The following ESPNL variants were observed in gnomAD, a reference collection of about 807,000 sequenced individuals.
The protein encoded by ESPNL is espin like.
ESPNL carries 49 observed loss-of-function variants against 46.8 expected under a neutral mutation model. The observed-to-expected ratio is 1.05, with a 90% confidence interval of 0.83 to 1.33. The LOEUF is 1.33. ESPNL is among the 40% of genes most tolerant of loss of function. The pLI is 0.00. For missense variants in ESPNL, 1,540 were observed against 1,436.6 expected, an observed-to-expected ratio of 1.07 and a Z score of -1.16; for synonymous variants, 664 against 662.1, an observed-to-expected ratio of 1.00 and a Z score of -0.04.
Position 238,119,382 on chromosome 2 carries a change from TTGGATGCAGGAGG to T in ESPNL, c.987+2355_987+2367del, listed in dbSNP as rs1303324870. Reference sequence around the variant, plus strand: ...TGGATGAAGGACGTGGATGAAGGAGTTGGATGCAGGAGGTGGATGGAGGAGGTGGATGGAGGAG... The same window carrying T: ...TGGATGAAGGACGTGGATGAAGGAGTTGGATGGAGGAGGTGGATGGAGGAG... On this transcript the variant is annotated intron_variant, in intron 5 of 8. Transcript: ENST00000343063. Among the ~76,000 whole-genome samples, 42 of 60,966 alleles carry T rather than the reference TTGGATGCAGGAGG, an allele frequency of 6.9e-4. 1 individual carries two copies. Among genetic ancestry groups the T allele is most frequent in the East Asian group, 4.2e-3 (8 of 1,886 alleles). The allele number at this position is 60,966 out of a possible 152,430, so 40.0% of individuals were successfully genotyped here. A position where few individuals can be genotyped will look rare whatever the true frequency, so the allele number is the denominator to read the frequency against.
At chr2:238,105,530 AAAG>A (rs1425625865) in intron 3 of ESPNL, among the ~76,000 whole-genome samples, 12 of 151,230 alleles carry the variant, frequency 7.9e-5, no homozygotes, top group Non-Finnish European at 1.8e-4. Flanking sequence ...AAAAAAAAAA[AAAG>A]AGTAGAGGAG....
At chr2:238,109,049 A>G (rs2106466688) in intron 4 of ESPNL, among the ~76,000 whole-genome samples, 1 of 151,954 alleles carries the variant, frequency 6.6e-6, no homozygotes, top group African/African-American at 2.4e-5. Flanking sequence ...CTGTCTCCCC[A>G]GTCTCTGTCC....
chr2:238,121,190 C>T lies in ESPNL; in HGVS notation c.988-4080C>T, dbSNP rs1691980339. Among the ~76,000 whole-genome samples, 6 of 152,292 alleles carry T rather than the reference C, an allele frequency of 3.9e-5. 1 individual carries two copies. The South Asian group carries it at 1.0e-3, about 26-fold the overall frequency. On this transcript the variant is annotated intron_variant, in intron 5 of 8. Coordinates refer to ENST00000343063, the MANE Select transcript of ESPNL (RefSeq NM_194312.4). The stretch of plus-strand genomic sequence containing the variant: ...GGCCAGGGGCTGCCCTCGAGGCAGG[C>T]CCCCTCCCCTCTGCTAGCCAAGGAG...
chr2:238,130,882 C>A lies in ESPNL; in HGVS notation c.2168C>A (p.Ser723Ter). Residue 723 changes from serine (S) to a stop codon, truncating the protein, a stop_gained, in exon 9 of 9, where the codon TCA becomes TAA. Transcript: ENST00000343063. LOFTEE classifies it low-confidence loss of function (END_TRUNC). ...GGCATCAGCTGCGAGGAGGTGCCAT[C>A]AGAGGCGGGTGCCGCAGCCGGCCCA... ...DSGISCEEVP[S>*]EAGAAAGPDL... 1 of 1,548,370 alleles carries A rather than the reference C, an allele frequency of 6.5e-7. No homozygotes were observed.
At position 238,132,039 on chromosome 2, in the gene ESPNL, C is replaced by T; in HGVS notation, c.*307C>T. The stretch of plus-strand genomic sequence containing the variant: ...GAGACCTGGGATGCTGCCTGTTTCT[C>T]ACTTGTCCTTCCCCAGTGTCACCAG... On this transcript the variant is annotated 3_prime_UTR_variant, in exon 9 of 9. Coordinates refer to ENST00000343063, the MANE Select transcript of ESPNL (RefSeq NM_194312.4). The T allele has an allele frequency of 3.3e-6, 1 of 300,668 alleles. No homozygotes were observed. Among genetic ancestry groups the T allele is most frequent in the South Asian group, 7.4e-5 (1 of 13,468 alleles). 18.6% of individuals were successfully genotyped at this position (300,668 alleles called of 1,614,324 possible).
rs761561233 is a variant in ESPNL, at chr2:238,131,207, C to T, written c.2493C>T (p.Arg831=). Residue 831 remains arginine, a synonymous_variant, in exon 9 of 9, where the codon CGC becomes CGT. Coordinates refer to ENST00000343063, the MANE Select transcript of ESPNL (RefSeq NM_194312.4). Reference sequence around the variant, plus strand: ...TGCGGCGGCTGAGCCGGCAGCCCCGCGGGGCTTTGTCCCCCGAGCAGTTCC... The same window carrying T: ...TGCGGCGGCTGAGCCGGCAGCCCCGTGGGGCTTTGTCCCCCGAGCAGTTCC... ...RQLRRLSRQP[R]GALSPEQFLP... The T allele has an allele frequency of 2.0e-5, 31 of 1,546,352 alleles. No homozygotes were observed. The highest frequency in any genetic ancestry group is 1.7e-4 in the East Asian group (7 of 41,132).
intron 5 of ESPNL, among the ~76,000 whole-genome samples, chr2:238,118,409 CGGAGGAGGGTGGAT>C (rs1559263334): frequency 8.2e-5 from 2 of 24,462 alleles, no homozygotes; most frequent in Non-Finnish European, 1.3e-4. Context: ...AGAGGGTGGA[CGGAGGAGGGTGGAT>C]GGAGGAGGAA....
chr2:238,120,725 G>A (rs916356088), intron 5 of ESPNL, among the ~76,000 whole-genome samples: 1 of 152,244 alleles, frequency 6.6e-6, no homozygotes, highest in Admixed American at 6.5e-5. Flanking sequence ...GGTGACGGCA[G>A]GGGGTGCTCG....
At position 238,130,406 on chromosome 2, in the gene ESPNL, G is replaced by A. The variant is rs776032349; in HGVS notation, c.1692G>A (p.Glu564=). 1.2e-6 allele frequency: 2 copies of A among 1,610,468 alleles called. No individual in the cohort carries two copies. Among genetic ancestry groups the A allele is most frequent in the South Asian group, 2.2e-5 (2 of 90,690 alleles). Residue 564 remains glutamate (E), a synonymous_variant, in exon 9 of 9, where the codon GAG becomes GAA. Coordinates refer to ENST00000343063, the MANE Select transcript of ESPNL (RefSeq NM_194312.4). ...CCCGGGCGCCCGGACTGGAGGTTGA[G>A]GAGGCCTCAATCCCAGCGGCTGAGC... ...FLPRAPGLEV[E]EASIPAAEPA...
At chr2:238,111,921 A>C (rs983000431) in intron 4 of ESPNL, among the ~76,000 whole-genome samples, 2 of 152,158 alleles carry the variant, frequency 1.3e-5, no homozygotes, top group Non-Finnish European at 2.9e-5. Context: ...ATTTGCTAAC[A>C]TTTTGTTTAG....
intron 3 of ESPNL, 87 bp from the exon 4 acceptor site, chr2:238,107,704 C>A: frequency 7.5e-7 from 1 of 1,327,680 alleles, no homozygotes. Context: ...CAGCCAGAGT[C>A]CACTTTCACT....
Position 238,131,093 on chromosome 2 carries a change from G to T in ESPNL, c.2379G>T (p.Arg793=). The T allele has an allele frequency of 1.3e-6, 2 of 1,542,406 alleles. No individual in the cohort carries two copies. Among genetic ancestry groups the T allele is most frequent in the South Asian group, 1.2e-5 (1 of 83,982 alleles). Residue 793 remains arginine (R), a synonymous_variant, in exon 9 of 9, where the codon CGG becomes CGT. Coordinates refer to ENST00000343063, the MANE Select transcript of ESPNL (RefSeq NM_194312.4). ...GPPSPPSEGP[R]LGHLWQQRST... ...CCTCCCCGCCCAGCGAGGGCCCCCGGCTGGGCCACCTGTGGCAGCAGCGCA... is the reference window on the plus strand; with the variant it reads ...CCTCCCCGCCCAGCGAGGGCCCCCGTCTGGGCCACCTGTGGCAGCAGCGCA...
chr2:238,109,458 C>T (rs191296860), intron 4 of ESPNL, among the ~76,000 whole-genome samples: 1 of 152,346 alleles, frequency 6.6e-6, no homozygotes, highest in Admixed American at 6.5e-5. Context: ...TCAAGCAATC[C>T]TCCTGCCTCA....
chr2:238,128,917 C>G lies in ESPNL; in HGVS notation c.1413+13C>G. On this transcript the variant is annotated intron_variant, in intron 8 of 8. Transcript: ENST00000343063. ...CGCAGAGGCCCAGGTAGGCCCCCGG[C>G]AGGGGCGGGACCAGTGGGCGGGGCG... 1 of 1,532,648 alleles carries G rather than the reference C, an allele frequency of 6.5e-7. No individual in the cohort carries two copies. The highest frequency in any genetic ancestry group is 2.5e-5 in the East Asian group (1 of 40,704). 94.9% of individuals were successfully genotyped at this position (1,532,648 alleles called of 1,614,324 possible).
rs950336051 is a variant in ESPNL at position 238,114,351 on chromosome 2, C to T, written c.856-2552C>T. On this transcript the variant is annotated intron_variant, in intron 4 of 8. Transcript: ENST00000343063. This position sits in a 1 kb window ranked among gnomAD's most constrained non-coding sequence, Gnocchi z 5.0. ...ACACCCCTCATACTCCTGCAGACCC[C>T]GTAACTCCCCTCCTCCGCATCCTGG... Among the ~76,000 whole-genome samples, 11 of 152,154 alleles carry T rather than the reference C, an allele frequency of 7.2e-5. No individual in the cohort carries two copies. Among genetic ancestry groups the T allele is most frequent in the African/African-American group, 1.9e-4 (8 of 41,428 alleles).
chr2:238,131,558 C>T lies in ESPNL; in HGVS notation c.2844C>T (p.Leu948=), dbSNP rs746188069. The change falls in exon 9 of 9, where the codon CTC becomes CTT. Residue 948 remains leucine, a synonymous_variant. Coordinates refer to ENST00000343063, the MANE Select transcript of ESPNL (RefSeq NM_194312.4). The part of the protein sequence containing the change: ...EPGRKSGLTL[L]GPLPHAAVPC... ...GCCGCAAGTCAGGTCTGACCCTGCT[C>T]GGGCCCCTGCCTCACGCCGCCGTCC... The T allele has an allele frequency of 8.1e-6, 13 of 1,610,868 alleles. No homozygotes were observed. The African/African-American group carries it at 9.3e-5, about 12-fold the overall frequency.
intron 4 of ESPNL, among the ~76,000 whole-genome samples, chr2:238,110,948 T>TC (rs1691704669): frequency 7.4e-6 from 1 of 134,966 alleles, no homozygotes; most frequent in Non-Finnish European, 1.6e-5. Context: ...CATTAGTTAT[T>TC]CTTTTTTTTT....
chr2:238,100,423 G>C lies in ESPNL; in HGVS notation c.4G>C (p.Glu2Gln). ...CACTGAGAGCCCGGGCCAGAGGATG[G>C]AGAAGCAGCGGGCACTCGTGGCCGC... Reference protein sequence around the residue: MEKQRALVAAKD... With the variant: MQKQRALVAAKD... Residue 2 changes from glutamate to glutamine, a missense_variant, in exon 1 of 9, where the codon GAG (glutamate) becomes CAG (glutamine). Coordinates refer to ENST00000343063, the MANE Select transcript of ESPNL (RefSeq NM_194312.4). The C allele has an allele frequency of 5.6e-6, 9 of 1,599,670 alleles. No individual in the cohort carries two copies. Among genetic ancestry groups the C allele is most frequent in the Non-Finnish European group, 7.7e-6 (9 of 1,175,976 alleles).
intron 5 of ESPNL, among the ~76,000 whole-genome samples, chr2:238,118,699 AGAGGAGGAATGGATG>A (rs1574736947): frequency 1.3e-5 from 1 of 77,442 alleles, no homozygotes; most frequent in African/African-American, 5.5e-5. Context: ...GAGGGTGGAT[AGAGGAGGAATGGATG>A]GAGGAGGAAT....
Sources: gnomAD v4.1 joint callset for allele counts (sites outside exome capture counted in the v4.1 genomes callset) on GRCh38, gnomAD v4.1.1 for gene constraint, Gnocchi (gnomAD v3.1) non-coding constraint, MANE v1.5 for transcripts, NCBI Gene and HGNC (gene_info 2026-07-23, HGNC 2026-07-21) for gene names.